SEC31A: variants seen among roughly 807,000 people sequenced by gnomAD.
SEC31A encodes protein transport protein Sec31A.
A neutral mutation model predicts 151.0 loss-of-function variants in SEC31A; 70 were observed. That is an observed-to-expected ratio of 0.46 (90% confidence interval 0.38 to 0.57). The LOEUF (loss-of-function observed/expected upper bound fraction) is 0.57, where lower values mean the gene tolerates loss of function less well. Among genes scored for constraint, SEC31A ranks in the 20% least tolerant of loss-of-function variants. SEC31A has a pLI of 0.00. For missense variants in SEC31A, 1,330 were observed against 1,471.2 expected (o/e 0.90, Z 1.57); for synonymous variants, 475 against 505.9 (o/e 0.94, Z 0.82).
In SEC31A at chr4:82,848,821, G is replaced by A; in HGVS notation, c.2485C>T (p.Gln829Ter). 6.2e-7 allele frequency: 1 copy of A among 1,613,154 alleles called. No homozygotes were observed. Residue 829 changes from glutamine (Q) to a stop codon, truncating the protein, a stop_gained, in exon 20 of 27, where the codon CAA becomes TAA. Transcript: ENST00000395310. LOFTEE classifies it high-confidence loss of function. ...GHHQMPRVQT[Q>*]QYYPHGENPP... Reference sequence around the variant, plus strand: ...TCACTCACATGGGGATAATATTGTTGAGTTTGAACTCTTGGCATCTGGTGG... The same window carrying A: ...TCACTCACATGGGGATAATATTGTTAAGTTTGAACTCTTGGCATCTGGTGG...
rs34892395 is a variant in SEC31A, at chr4:82,884,703, C to T, written c.-4-2763G>A. Among the ~76,000 whole-genome samples, 1,071 of 152,258 alleles carry T rather than the reference C, an allele frequency of 7.0e-3. 4 individuals are homozygous for T. Among genetic ancestry groups the T allele is most frequent in the Non-Finnish European group, 0.012 (816 of 68,020 alleles). On this transcript the variant is annotated intron_variant, in intron 1 of 26. Coordinates refer to ENST00000395310, the MANE Select transcript of SEC31A (RefSeq NM_001077207.4). ...TCCCTTGTCCTAAAATCCCCTATGC[C>T]TATAATTCCTCCTTTCCTTTCAATA...
At chr4:82,855,064 C>T in intron 16 of SEC31A, 35 bp from the exon 17 acceptor site, 1 of 1,549,800 alleles carries the variant, frequency 6.5e-7, no homozygotes, top group Non-Finnish European at 8.7e-7. Flanking sequence ...AATTAAAAGT[C>T]TTTAACATAG....
intron 3 of SEC31A, among the ~76,000 whole-genome samples, chr4:82,880,316 G>A (rs963050978): frequency 5.3e-5 from 8 of 152,138 alleles, no homozygotes; most frequent in East Asian, 1.9e-4. Flanking sequence ...CTGGCCAAGC[G>A]TGATTCCTCA....
At chr4:82,877,237 A>T (rs1738167028) in intron 4 of SEC31A, among the ~76,000 whole-genome samples, 1 of 152,112 alleles carries the variant, frequency 6.6e-6, no homozygotes, top group Admixed American at 6.6e-5. Context: ...AAAACAAAAA[A>T]CAACAACAAA....
At chr4:82,880,680 T>G in intron 3 of SEC31A, 119 bp downstream of exon 3, 1 of 847,578 alleles carries the variant, frequency 1.2e-6, no homozygotes. Flanking sequence ...TCACAAAATA[T>G]TTCATGTTCT....
intron 1 of SEC31A, among the ~76,000 whole-genome samples, chr4:82,887,197 GAATAC>G (rs539371790): frequency 4.3e-4 from 65 of 152,114 alleles, no homozygotes; most frequent in African/African-American, 1.4e-3. Flanking sequence ...TAAAAAAATG[GAATAC>G]AATTATAGTA....
intron 21 of SEC31A, chr4:82,842,854 A>G (rs1045999778): frequency 5.6e-6 from 1 of 179,524 alleles, no homozygotes; most frequent in Non-Finnish European, 1.2e-5. Context: ...CTTCACAGAA[A>G]AAGTTACATG....
chr4:82,879,055 C>A, intron 3 of SEC31A, 127 bp from the exon 4 acceptor site: 2 of 682,174 alleles, frequency 2.9e-6, no homozygotes, highest in South Asian at 1.9e-5. Flanking sequence ...TCCCACCACT[C>A]CTGGTAACTA....
chr4:82,867,020 G>T, intron 9 of SEC31A, 60 bp from the exon 10 acceptor site: 1 of 1,575,312 alleles, frequency 6.3e-7, no homozygotes. Context: ...TTTTTTTCCA[G>T]TCATATCCAA....
chr4:82,898,013 A>T (rs1188398031), intron 3 of SEC31A: 1 of 152,220 alleles, frequency 6.6e-6, no homozygotes, highest in Non-Finnish European at 1.5e-5. Flanking sequence ...TTGAGTAATT[A>T]TCTTCCAAGA....
intron 22 of SEC31A, among the ~76,000 whole-genome samples, chr4:82,837,450 G>A (rs1727676969): frequency 1.3e-5 from 2 of 151,772 alleles, no homozygotes; most frequent in East Asian, 1.9e-4. Context: ...GCCTAGGTGC[G>A]ATCACAGCTC....
intron 20 of SEC31A, among the ~76,000 whole-genome samples, chr4:82,848,117 A>C (rs1730637911): frequency 6.6e-6 from 1 of 152,208 alleles, no homozygotes; most frequent in Admixed American, 6.5e-5. Flanking sequence ...TTCTTCATTT[A>C]AGTACATGAA....
At chr4:82,890,882 C>A in intron 1 of SEC31A, 34 of 1,384,172 alleles carry the variant, frequency 2.5e-5, no homozygotes, top group Non-Finnish European at 3.2e-5. Context: ...TCGGCGAATG[C>A]GGACGGGCGC....
At chr4:82,877,461 G>C (rs1485163078) in intron 4 of SEC31A, 1 of 150,908 alleles carries the variant, frequency 6.6e-6, no homozygotes, top group South Asian at 2.1e-4. Context: ...TCACTGCAGC[G>C]TAGACCTCCC....
intron 23 of SEC31A, among the ~76,000 whole-genome samples, chr4:82,828,696 A>AAAAAAAAAAAAAAC (rs1422694870): frequency 6.7e-6 from 1 of 150,352 alleles, no homozygotes; most frequent in African/African-American, 2.4e-5. Flanking sequence ...AAAAAAAAAA[A>AAAAAAAAAAAAAAC]AGAAAGCAAC....
At chr4:82,851,849 A>G (rs920093054) in intron 18 of SEC31A, among the ~76,000 whole-genome samples, 1 of 152,222 alleles carries the variant, frequency 6.6e-6, no homozygotes, top group African/African-American at 2.4e-5. Context: ...TCCTTAAGCT[A>G]CCAGATACTT....
chr4:82,841,787 CATG>C (rs764065340), intron 22 of SEC31A, among the ~76,000 whole-genome samples: 7 of 151,540 alleles, frequency 4.6e-5, no homozygotes, highest in Non-Finnish European at 1.0e-4. Flanking sequence ...GCCTGGCCAA[CATG>C]ATGAAACTCT....
intron 19 of SEC31A, 84 bp from the exon 20 acceptor site, chr4:82,849,061 C>A: frequency 8.2e-7 from 1 of 1,214,718 alleles, no homozygotes. Context: ...TCAGATTATT[C>A]ATCAAGATAT....
chr4:82,868,025 C>T (rs1046862804), intron 8 of SEC31A, among the ~76,000 whole-genome samples: 2 of 152,222 alleles, frequency 1.3e-5, no homozygotes, highest in East Asian at 1.9e-4. Flanking sequence ...ATTTAGGTTA[C>T]TTGAGGATCA....
Sources: allele counts gnomAD v4.1 joint callset (sites outside exome capture counted in the v4.1 genomes callset), GRCh38; gene constraint gnomAD v4.1.1; transcripts MANE v1.5; gene names NCBI Gene and HGNC (gene_info 2026-07-23, HGNC 2026-07-21).